Variants in OR6C2 observed in about 807,000 individuals in gnomAD.
OR6C2 encodes the protein olfactory receptor family 6 subfamily C member 2, also known as olfactory receptor 6C2.
For synonymous variants in OR6C2, 146 were observed against 134.2 expected (o/e 1.09, Z -0.61); for missense variants, 435 against 365.8 (o/e 1.19, Z -1.54).
At chr12:55,447,623 T>A (rs900317397) in intron 1 of OR6C2, among the ~76,000 whole-genome samples, 3 of 152,170 alleles carry the variant, frequency 2.0e-5, no homozygotes, top group Non-Finnish European at 4.4e-5. Flanking sequence ...TCACTTAGTA[T>A]AACCTCTTGT....
At chr12:55,448,643 C>CAAAAAAAAAAAAAAAAAAAAAAAAAAAA (rs59178718) in intron 1 of OR6C2, among the ~76,000 whole-genome samples, 123 of 71,716 alleles carry the variant, frequency 1.7e-3, no homozygotes, top group Non-Finnish European at 2.5e-3. Context: ...CCATTCACTG[C>CAAAAAAAAAAAAAAAAAAAAAAAAAAAA]AAAAAAAAAA....
intron 1 of OR6C2, among the ~76,000 whole-genome samples, chr12:55,450,473 A>T (rs1021645260): frequency 1.3e-5 from 2 of 152,150 alleles, no homozygotes; most frequent in African/African-American, 4.8e-5. Flanking sequence ...GGCAGTCCAC[A>T]TGAAAGTGAT....
chr12:55,452,513 C>A lies in OR6C2; in HGVS notation c.300C>A (p.Phe100Leu). The A allele has an allele frequency of 1.2e-6, 2 of 1,613,908 alleles. No homozygotes were observed. Among genetic ancestry groups the A allele is most frequent in the Non-Finnish European group, 1.7e-6 (2 of 1,179,848 alleles). ...ACAATGCTTGTGCCAGTCAAATATT[C>A]TTTGTTATTCTCTTTGGAGCAACAG... The part of the protein sequence containing the change: ...ITYNACASQI[F>L]FVILFGATEF... The change falls in exon 2 of 2, where the codon TTC (phenylalanine) becomes TTA (leucine). Residue 100 changes from phenylalanine (F) to leucine (L), a missense_variant. Physicochemically the swap from Phe to Leu is conservative, Grantham distance 22. Coordinates refer to ENST00000641202, the MANE Select transcript of OR6C2 (RefSeq NM_054105.2).
rs1871518609 is a variant in OR6C2 at position 55,452,963 on chromosome 12, T to C, written c.750T>C (p.Tyr250=). The change falls in exon 2 of 2, where the codon TAT becomes TAC. Residue 250 remains tyrosine, a synonymous_variant. Coordinates refer to ENST00000641202, the MANE Select transcript of OR6C2 (RefSeq NM_054105.2). ...ACATGATTGTGGTTTCCATTGCCTA[T>C]GGAAGCTGCATCTTCATCTATATCA... The part of the protein sequence containing the change: ...SSHMIVVSIA[Y]GSCIFIYIKP... 1.2e-6 allele frequency: 2 copies of C among 1,613,622 alleles called. No homozygotes were observed. Among genetic ancestry groups the C allele is most frequent in the Admixed American group, 1.7e-5 (1 of 59,914 alleles).
At position 55,452,691 on chromosome 12, in the gene OR6C2, T is replaced by A; in HGVS notation, c.478T>A (p.Leu160Ile). The change falls in exon 2 of 2, where the codon TTA (leucine) becomes ATA (isoleucine). Residue 160 changes from leucine to isoleucine, a missense_variant. Leu to Ile is a conservative substitution (Grantham distance 5). Coordinates refer to ENST00000641202, the MANE Select transcript of OR6C2 (RefSeq NM_054105.2). ...GLMIIVPPLS[L>I]GLQLEFCDSN... ...GATGATCATTGTTCCACCACTTAGC[T>A]TAGGCCTCCAGCTCGAATTCTGTGA... The A allele has an allele frequency of 1.2e-6, 2 of 1,613,802 alleles. No homozygotes were observed. The highest frequency in any genetic ancestry group is 2.2e-5 in the South Asian group (2 of 91,080).
intron 1 of OR6C2, among the ~76,000 whole-genome samples, chr12:55,448,174 C>T (rs765135739): frequency 2.0e-5 from 3 of 151,736 alleles, no homozygotes; most frequent in Non-Finnish European, 4.4e-5. Flanking sequence ...ACTCTTTTGC[C>T]TGTTTTTAAA....
rs1015212125 is a variant in OR6C2 at position 55,450,070 on chromosome 12, C to A, written c.-887-1257C>A. Reference sequence around the variant, plus strand: ...CTGTTTTATTTCTTCACTAAACTTACCAAGAACCCTACATAGGCCAGATAT... The same window carrying A: ...CTGTTTTATTTCTTCACTAAACTTAACAAGAACCCTACATAGGCCAGATAT... On this transcript the variant is annotated intron_variant, in intron 1 of 1. Coordinates refer to ENST00000641202, the MANE Select transcript of OR6C2 (RefSeq NM_054105.2). 2.0e-4 allele frequency among the ~76,000 whole-genome samples: 30 copies of A among 151,950 alleles called. 1 individual carries two copies. The highest frequency in any genetic ancestry group is 7.2e-4 in the African/African-American group (30 of 41,396).
rs138582074 is a variant in OR6C2, at chr12:55,452,705, C to T, written c.492C>T (p.Leu164=). 7.4e-6 allele frequency: 12 copies of T among 1,613,770 alleles called. No homozygotes were observed. Among genetic ancestry groups the T allele is most frequent in the South Asian group, 3.3e-5 (3 of 91,076 alleles). ...CACCACTTAGCTTAGGCCTCCAGCT[C>T]GAATTCTGTGACTCCAATGCCATTG... is the stretch of plus-strand genomic sequence containing the variant. ...IVPPLSLGLQ[L]EFCDSNAIDH... is the part of the protein sequence containing the mutation. Residue 164 remains leucine, a synonymous_variant, in exon 2 of 2, where the codon CTC becomes CTT. Coordinates refer to ENST00000641202, the MANE Select transcript of OR6C2 (RefSeq NM_054105.2).
Position 55,452,374 on chromosome 12 carries a change from A to G in OR6C2, c.161A>G (p.Lys54Arg). ...CTCACATTGGTGGACCACCACCTTA[A>G]AACTCCTATGTACTTCTTTCTCAGA... is the stretch of plus-strand genomic sequence containing the variant. ...ITLTLVDHHL[K>R]TPMYFFLRNF... Residue 54 changes from lysine to arginine, a missense_variant, in exon 2 of 2, where the codon AAA (lysine) becomes AGA (arginine). Physicochemically the swap from Lys to Arg is conservative, Grantham distance 26. Coordinates refer to ENST00000641202, the MANE Select transcript of OR6C2 (RefSeq NM_054105.2). 2 of 1,613,712 alleles carry G rather than the reference A, an allele frequency of 1.2e-6. No individual in the cohort carries two copies. Among genetic ancestry groups the G allele is most frequent in the Non-Finnish European group, 1.7e-6 (2 of 1,179,814 alleles).
In OR6C2 at chr12:55,451,510, G is replaced by A. The variant is rs1871471212; in HGVS notation, c.-704G>A. On this transcript the variant is annotated 5_prime_UTR_variant, in exon 2 of 2. Coordinates refer to ENST00000641202, the MANE Select transcript of OR6C2 (RefSeq NM_054105.2). ...GTAGATTTGCTTCTGGAGCTTGAAA[G>A]GAAAGGAATCACAACTGAACATCAA... The A allele has an allele frequency of 6.6e-6, 1 of 152,132 alleles. No individual in the cohort carries two copies. Among genetic ancestry groups the A allele is most frequent in the African/African-American group, 2.4e-5 (1 of 41,516 alleles). The allele number at this position is 152,132 out of a possible 1,614,324, so 9.4% of individuals were successfully genotyped here. A position where few individuals can be genotyped will look rare whatever the true frequency, so the allele number is the denominator to read the frequency against.
Position 55,452,333 on chromosome 12 carries a change from C to A in OR6C2, c.120C>A (p.Asn40Lys), listed in dbSNP as rs1268867922. 1 of 1,613,414 alleles carries A rather than the reference C, an allele frequency of 6.2e-7. No homozygotes were observed. Among genetic ancestry groups the A allele is most frequent in the African/African-American group, 1.3e-5 (1 of 74,896 alleles). Reference sequence around the variant, plus strand: ...CCTACATGTTGAGTGTAACAGGGAACCTGACTATTATCACCCTCACATTGG... The same window carrying A: ...CCTACATGTTGAGTGTAACAGGGAAACTGACTATTATCACCCTCACATTGG... ...FLTYMLSVTG[N>K]LTIITLTLVD... is the part of the protein sequence containing the mutation. Residue 40 changes from asparagine to lysine, a missense_variant, in exon 2 of 2, where the codon AAC becomes AAA. Coordinates refer to ENST00000641202, the MANE Select transcript of OR6C2 (RefSeq NM_054105.2).
intron 1 of OR6C2, among the ~76,000 whole-genome samples, chr12:55,446,752 A>G (rs950400637): frequency 3.0e-4 from 45 of 152,184 alleles, no homozygotes; most frequent in Non-Finnish European, 2.9e-5. Context: ...TGTCTTCTGA[A>G]AAAGAGGAAG....
At chr12:55,447,591 G>T (rs1871387005) in intron 1 of OR6C2, among the ~76,000 whole-genome samples, 1 of 152,040 alleles carries the variant, frequency 6.6e-6, no homozygotes, top group African/African-American at 2.4e-5. Context: ...TGCAGTATTT[G>T]TCCTTCTGTA....
Position 55,453,040 on chromosome 12 carries a change from C to A in OR6C2, c.827C>A (p.Thr276Asn). 1 of 1,613,500 alleles carries A rather than the reference C, an allele frequency of 6.2e-7. No homozygotes were observed. Among genetic ancestry groups the A allele is most frequent in the East Asian group, 2.2e-5 (1 of 44,866 alleles). Residue 276 changes from threonine (T) to asparagine (N), a missense_variant, in exon 2 of 2, where the codon ACT (threonine) becomes AAT (asparagine). By Grantham distance (65) the Thr-to-Asn change is moderately conservative. Transcript: ENST00000641202. ...ATAAATAAAGGAGTTTCAGTTCTTA[C>A]TACTTCTGTCGCACCCTTGTTGAAC... ...VAINKGVSVL[T>N]TSVAPLLNPF...
intron 1 of OR6C2, among the ~76,000 whole-genome samples, chr12:55,449,258 T>C (rs1251625127): frequency 6.6e-6 from 1 of 151,998 alleles, no homozygotes; most frequent in Non-Finnish European, 1.5e-5. Flanking sequence ...CTTAATATTG[T>C]CTAAACTTTA....
rs551922661 is a variant in OR6C2 at position 55,452,184 on chromosome 12, G to C, written c.-30G>C. On this transcript the variant is annotated 5_prime_UTR_variant, in exon 2 of 2. Transcript: ENST00000641202. ...CCCCTCATAAACCGTGATTTTTAAA[G>C]GAGGATTGGGTAGATATCAAAGAAC... 17 of 1,387,140 alleles carry C rather than the reference G, an allele frequency of 1.2e-5. 1 individual carries two copies. The South Asian group carries it at 2.2e-4, about 18-fold the overall frequency. The allele number at this position is 1,387,140 out of a possible 1,614,324, so 85.9% of individuals were successfully genotyped here.
chr12:55,445,309 C>T (rs1476113015), intron 1 of OR6C2, among the ~76,000 whole-genome samples: 2 of 152,122 alleles, frequency 1.3e-5, no homozygotes, highest in Non-Finnish European at 2.9e-5. Flanking sequence ...GCAAGATGGG[C>T]CTTGCCATAT....
rs117111161 is a variant in OR6C2, at chr12:55,446,431, G to A, written c.-888+2272G>A. On this transcript the variant is annotated intron_variant, in intron 1 of 1. Transcript: ENST00000641202. Reference sequence around the variant, plus strand: ...AGTCATGAGCCACCGCGCCCGGCCAGTGGTAATTTTAGTGTAAATTAAATG... The same window carrying A: ...AGTCATGAGCCACCGCGCCCGGCCAATGGTAATTTTAGTGTAAATTAAATG... Among the ~76,000 whole-genome samples, 599 of 152,240 alleles carry A rather than the reference G, an allele frequency of 3.9e-3. 4 individuals are homozygous for A. The highest frequency in any genetic ancestry group is 6.5e-3 in the Non-Finnish European group (444 of 68,006).
In OR6C2 at chr12:55,452,474, C is replaced by T; in HGVS notation, c.261C>T (p.Asp87=). The T allele has an allele frequency of 6.2e-7, 1 of 1,613,602 alleles. No homozygotes were observed. The highest frequency in any genetic ancestry group is 1.3e-5 in the African/African-American group (1 of 75,020). Reference sequence around the variant, plus strand: ...TCTTGTACAATATATCAATGGGGGACAATACCATTACCTACAATGCTTGTG... The same window carrying T: ...TCTTGTACAATATATCAATGGGGGATAATACCATTACCTACAATGCTTGTG... ...PRFLYNISMG[D]NTITYNACAS... The change falls in exon 2 of 2, where the codon GAC becomes GAT. Residue 87 remains aspartate (D), a synonymous_variant. Transcript: ENST00000641202.
Sources: allele counts gnomAD v4.1 joint callset (sites outside exome capture counted in the v4.1 genomes callset), GRCh38; gene constraint gnomAD v4.1.1; transcripts MANE v1.5; gene names NCBI Gene and HGNC (gene_info 2026-07-23, HGNC 2026-07-21).